Variants in TTC7A observed in about 807,000 individuals in gnomAD.
The protein encoded by TTC7A is tetratricopeptide repeat protein 7A.
A neutral mutation model predicts 103.7 loss-of-function variants in TTC7A; 110 were observed. The observed-to-expected ratio is 1.06, with a 90% CI of 0.91 to 1.24. TTC7A has a LOEUF of 1.24. TTC7A is among the 50% of genes most tolerant of loss of function. The pLI, the probability that TTC7A is intolerant of heterozygous loss-of-function variation, is 0.00. For synonymous variants in TTC7A, 521 were observed against 467.9 expected (o/e 1.11, Z -1.47); for missense variants, 1,340 against 1,116.3 (o/e 1.20, Z -2.86).
At position 46,956,670 on chromosome 2, in the gene TTC7A, G is replaced by T. The variant is rs1015653846; in HGVS notation, c.349-169G>T. The T allele has an allele frequency of 7.5e-6, 5 of 666,880 alleles. No homozygotes were observed. The African/African-American group carries it at 9.0e-5, about 12-fold the overall frequency. The allele number at this position is 666,880 out of a possible 1,614,324, so 41.3% of individuals were successfully genotyped here. A position where few individuals can be genotyped will look rare whatever the true frequency, so the allele number is the denominator to read the frequency against. On this transcript the variant is annotated intron_variant, in intron 2 of 19. Transcript: ENST00000319190. ...ACCACAATGTAGGCTGCAGACCATG[G>T]GTGAGAGCGGGGAGCTGTCGGCATG...
At chr2:47,032,498 G>A (rs1341005971) in intron 15 of TTC7A, among the ~76,000 whole-genome samples, 1 of 152,198 alleles carries the variant, frequency 6.6e-6, no homozygotes, top group Non-Finnish European at 1.5e-5. Context: ...GGAGGGTGGG[G>A]CCTAGGGGAA....
At chr2:46,956,074 C>G (rs1671829182) in intron 2 of TTC7A, among the ~76,000 whole-genome samples, 1 of 152,232 alleles carries the variant, frequency 6.6e-6, no homozygotes, top group African/African-American at 2.4e-5. Flanking sequence ...GGCAACAGCA[C>G]AGGATCCCAA....
Position 47,063,798 on chromosome 2 carries a change from G to A in TTC7A, c.2355+2827G>A, listed in dbSNP as rs142399285. Reference sequence around the variant, plus strand: ...GGGCTGGAGCGAGCCCTCTGAGGTCGTGGGTGAGTCCCACTCCCTGAGGTC... The same window carrying A: ...GGGCTGGAGCGAGCCCTCTGAGGTCATGGGTGAGTCCCACTCCCTGAGGTC... On this transcript the variant is annotated intron_variant, in intron 19 of 19. Transcript: ENST00000319190. 3.2e-3 allele frequency among the ~76,000 whole-genome samples: 486 copies of A among 152,362 alleles called. 3 individuals are homozygous for A. Among genetic ancestry groups the A allele is most frequent in the African/African-American group, 0.011 (458 of 41,594 alleles).
chr2:46,951,810 A>C, intron 2 of TTC7A: 1 of 369,518 alleles, frequency 2.7e-6, no homozygotes, highest in South Asian at 2.0e-5. Flanking sequence ...TCTGAAGGCA[A>C]TCAAGACGAA....
chr2:46,995,291 C>T (rs1344735707), intron 8 of TTC7A, 92 bp downstream of exon 8: 1 of 1,261,512 alleles, frequency 7.9e-7, no homozygotes, highest in African/African-American at 1.5e-5. Flanking sequence ...CGTGACCTAG[C>T]CAAACTCTGT....
intron 14 of TTC7A, among the ~76,000 whole-genome samples, chr2:47,027,197 TTCCCTGCATCCTGGGGAATC>T (rs1417468122): frequency 2.0e-5 from 3 of 152,122 alleles, no homozygotes; most frequent in Non-Finnish European, 4.4e-5. Context: ...GGGGAGAGGA[TTCCCTGCATCCTGGGGAATC>T]AGGCCAGGTT....
At chr2:46,926,192 T>A (rs1304897262) in intron 2 of TTC7A, among the ~76,000 whole-genome samples, 1 of 152,240 alleles carries the variant, frequency 6.6e-6, no homozygotes, top group African/African-American at 2.4e-5. Context: ...GTGAAGACTT[T>A]ACTGAAGCCT....
intron 2 of TTC7A, among the ~76,000 whole-genome samples, chr2:46,955,223 G>A (rs1046247646): frequency 6.6e-6 from 1 of 151,144 alleles, no homozygotes; most frequent in Non-Finnish European, 1.5e-5. Flanking sequence ...GACGCAGCCC[G>A]AGCAGGGAGG....
chr2:47,042,468 C>G (rs893469031), intron 15 of TTC7A, among the ~76,000 whole-genome samples: 1 of 151,916 alleles, frequency 6.6e-6, no homozygotes, highest in African/African-American at 2.4e-5. Flanking sequence ...CGTCACTGCA[C>G]TCTGCCTGGG....
chr2:46,923,564 C>T lies in TTC7A; in HGVS notation c.82+6287C>T, dbSNP rs190596614. The stretch of plus-strand genomic sequence containing the variant: ...AGACCTGTCTCTTTACTCTTTTTAA[C>T]ACAAAATTTCTTCCCTTGTTGCAGT... On this transcript the variant is annotated intron_variant, in intron 2 of 20. Transcript: ENST00000409245. Among the ~76,000 whole-genome samples the T allele has an allele frequency of 4.1e-4, 63 of 152,272 alleles. 1 individual carries two copies. Among genetic ancestry groups the T allele is most frequent in the Admixed American group, 7.8e-4 (12 of 15,290 alleles).
intron 3 of TTC7A, among the ~76,000 whole-genome samples, chr2:46,960,724 C>T (rs1250014117): frequency 1.3e-5 from 2 of 152,218 alleles, no homozygotes; most frequent in Non-Finnish European, 2.9e-5. Context: ...GATGAAGAAG[C>T]TGAGGAAGTT....
intron 3 of TTC7A, among the ~76,000 whole-genome samples, chr2:46,965,004 T>C (rs1195551273): frequency 6.6e-6 from 1 of 152,218 alleles, no homozygotes; most frequent in Non-Finnish European, 1.5e-5. Context: ...AGGGAGGTCC[T>C]GATGCCCTGA....
At chr2:47,012,952 T>C (rs952483858) in intron 11 of TTC7A, among the ~76,000 whole-genome samples, 9 of 152,192 alleles carry the variant, frequency 5.9e-5, no homozygotes, top group African/African-American at 1.7e-4. Context: ...AGATCAGTCC[T>C]GTAATGGGCT....
intron 5 of TTC7A, among the ~76,000 whole-genome samples, chr2:46,986,142 C>T (rs1049345531): frequency 6.6e-5 from 10 of 152,236 alleles, no homozygotes; most frequent in Non-Finnish European, 1.3e-4. Flanking sequence ...CAGATACTGA[C>T]GTCAGCTCAT....
chr2:47,073,693 C>A lies in TTC7A; in HGVS notation c.2356-9C>A. 6.2e-7 allele frequency: 1 copy of A among 1,612,948 alleles called. No homozygotes were observed. The highest frequency in any genetic ancestry group is 8.5e-7 in the Non-Finnish European group (1 of 1,179,280). On this transcript the variant is annotated splice_polypyrimidine_tract_variant and intron_variant, in intron 19 of 19. Coordinates refer to ENST00000319190, the MANE Select transcript of TTC7A (RefSeq NM_020458.4). ...CCCCTACTCACCCTGCCCTGTGCTT[C>A]GTCCACAGGGTCTGATGCTGAGTCG...
At chr2:47,021,252 C>A (rs955631680) in intron 11 of TTC7A, among the ~76,000 whole-genome samples, 1 of 152,192 alleles carries the variant, frequency 6.6e-6, no homozygotes, top group Non-Finnish European at 1.5e-5. Flanking sequence ...CCCCCTAAAC[C>A]GGCCTGACTC....
At chr2:46,937,289 C>T (rs990921550), upstream of TTC7A, among the ~76,000 whole-genome samples, 5 of 149,516 alleles carry the variant, frequency 3.3e-5, no homozygotes, top group African/African-American at 1.2e-4. The surrounding 1 kb of genome is among the most constrained non-coding windows in gnomAD (Gnocchi z 4.0). Flanking sequence ...CTACCCTATG[C>T]TCCTCCATCT....
chr2:47,005,236 G>C (rs537617627), intron 8 of TTC7A, among the ~76,000 whole-genome samples: 12 of 152,124 alleles, frequency 7.9e-5, no homozygotes, highest in African/African-American at 2.2e-4. Flanking sequence ...GGAAGGGAGG[G>C]GGGGGCTCTG....
intron 8 of TTC7A, among the ~76,000 whole-genome samples, chr2:46,995,642 A>G (rs992945434): frequency 6.6e-6 from 1 of 152,242 alleles, no homozygotes; most frequent in African/African-American, 2.4e-5. Flanking sequence ...GCTGGGGCAC[A>G]TCACTTATTT....
Sources: allele counts gnomAD v4.1 joint callset (sites outside exome capture counted in the v4.1 genomes callset), GRCh38; gene constraint gnomAD v4.1.1; non-coding constraint Gnocchi (gnomAD v3.1); transcripts MANE v1.5; gene names NCBI Gene and HGNC (gene_info 2026-07-23, HGNC 2026-07-21).